Variants in TAS2R1 observed in about 807,000 individuals in gnomAD.
TAS2R1 encodes the protein taste receptor type 2 member 1.
For synonymous variants in TAS2R1, 141 were observed against 134.2 expected (o/e 1.05, Z -0.35); for missense variants, 370 against 353.4 (o/e 1.05, Z -0.38).
At chr5:9,769,655 G>C in the TAS2R1 span, among the ~76,000 whole-genome samples, 6 of 152,130 alleles carry the variant, frequency 3.9e-5, no homozygotes, top group African/African-American at 1.2e-4. Context: ...GCAGTTCTCT[G>C]ATGGTCAGCG....
the TAS2R1 span, among the ~76,000 whole-genome samples, chr5:9,842,422 G>A: frequency 6.8e-6 from 1 of 147,612 alleles, no homozygotes; most frequent in African/African-American, 2.5e-5. Flanking sequence ...CCAGGTTTAA[G>A]CAATTCTCCT....
At chr5:9,842,312 C>CTTTTTTT in the TAS2R1 span, among the ~76,000 whole-genome samples, 170 of 120,356 alleles carry the variant, frequency 1.4e-3, 6 homozygotes, top group Middle Eastern at 4.5e-3. Flanking sequence ...GTCTTTCTTT[C>CTTTTTTT]TCTCTTTTTT....
chr5:9,758,417 G>A, the TAS2R1 span, among the ~76,000 whole-genome samples: 2 of 152,150 alleles, frequency 1.3e-5, no homozygotes, highest in African/African-American at 2.4e-5. Context: ...AGACACATAC[G>A]AACTCCGTGG....
At chr5:9,783,488 T>C in the TAS2R1 span, among the ~76,000 whole-genome samples, 12 of 152,186 alleles carry the variant, frequency 7.9e-5, no homozygotes, top group Non-Finnish European at 1.3e-4. Flanking sequence ...GGAGCTGGGG[T>C]TCTACTTAAA....
At chr5:9,648,694 G>A (rs931462405) in intron 2 of TAS2R1, among the ~76,000 whole-genome samples, 4 of 151,814 alleles carry the variant, frequency 2.6e-5, no homozygotes, top group Admixed American at 6.6e-5. Context: ...TTTCGGGGGT[G>A]GGGGGTAGCT....
chr5:9,781,937 C>T, the TAS2R1 span, among the ~76,000 whole-genome samples: 1 of 152,218 alleles, frequency 6.6e-6, no homozygotes, highest in Non-Finnish European at 1.5e-5. Flanking sequence ...CATTTATTGT[C>T]TGGTCTTTCT....
chr5:9,708,789 C>T (rs1426319267), intron 1 of TAS2R1, among the ~76,000 whole-genome samples: 1 of 152,132 alleles, frequency 6.6e-6, no homozygotes, highest in Non-Finnish European at 1.5e-5. Context: ...CTGACTTAAA[C>T]TCTCGACATT....
At chr5:9,839,049 A>T in the TAS2R1 span, among the ~76,000 whole-genome samples, 3 of 152,238 alleles carry the variant, frequency 2.0e-5, no homozygotes, top group Non-Finnish European at 4.4e-5. Context: ...ACTCAGGATC[A>T]TAACATCATC....
the TAS2R1 span, among the ~76,000 whole-genome samples, chr5:9,848,957 T>A: frequency 1.3e-5 from 2 of 152,188 alleles, no homozygotes; most frequent in Non-Finnish European, 2.9e-5. Flanking sequence ...TTCCTATTTG[T>A]CAGGTATCTA....
chr5:9,653,846 T>C (rs537995238), intron 2 of TAS2R1, among the ~76,000 whole-genome samples: 2 of 152,316 alleles, frequency 1.3e-5, no homozygotes, highest in East Asian at 1.9e-4. Flanking sequence ...CTTTGCTTGA[T>C]AGGAGCCACA....
At chr5:9,815,960 T>C in the TAS2R1 span, among the ~76,000 whole-genome samples, 1 of 152,206 alleles carries the variant, frequency 6.6e-6, no homozygotes, top group African/African-American at 2.4e-5. Context: ...TTTTATCCTT[T>C]TTAAAAATAT....
the TAS2R1 span, among the ~76,000 whole-genome samples, chr5:9,730,822 T>A: frequency 6.6e-6 from 1 of 152,146 alleles, no homozygotes; most frequent in Non-Finnish European, 1.5e-5. Flanking sequence ...CCCCATACTG[T>A]CATCATGGTA....
At chr5:9,797,588 T>C in the TAS2R1 span, among the ~76,000 whole-genome samples, 3 of 152,084 alleles carry the variant, frequency 2.0e-5, no homozygotes, top group Admixed American at 6.5e-5. Context: ...GTGCCTAATA[T>C]AGGTTGTTGA....
At chr5:9,811,989 C>A in the TAS2R1 span, among the ~76,000 whole-genome samples, 1 of 152,084 alleles carries the variant, frequency 6.6e-6, no homozygotes, top group Non-Finnish European at 1.5e-5. Context: ...AACTTCCTCC[C>A]CCCGCATTGC....
chr5:9,878,877 G>A, the TAS2R1 span, among the ~76,000 whole-genome samples: 1 of 152,208 alleles, frequency 6.6e-6, no homozygotes, highest in Non-Finnish European at 1.5e-5. Context: ...AGTGAGTGCT[G>A]GCCACAAGGG....
At chr5:9,684,317 C>T (rs903760287) in intron 1 of TAS2R1, among the ~76,000 whole-genome samples, 4 of 152,138 alleles carry the variant, frequency 2.6e-5, no homozygotes, top group Admixed American at 6.6e-5. Context: ...AAATACCTCA[C>T]GTTCTTGCTC....
chr5:9,722,376 T>C, the TAS2R1 span, among the ~76,000 whole-genome samples: 2 of 152,236 alleles, frequency 1.3e-5, no homozygotes, highest in African/African-American at 4.8e-5. Context: ...TACATACCAA[T>C]AGATAACTGA....
the TAS2R1 span, among the ~76,000 whole-genome samples, chr5:9,902,451 T>C: frequency 6.6e-6 from 1 of 151,954 alleles, no homozygotes; most frequent in Non-Finnish European, 1.5e-5. Flanking sequence ...TGAGATAATT[T>C]CTTCTAAAAT....
At chr5:9,802,823 A>G in the TAS2R1 span, among the ~76,000 whole-genome samples, 1 of 152,176 alleles carries the variant, frequency 6.6e-6, no homozygotes, top group East Asian at 1.9e-4. Context: ...GAATGGTGTG[A>G]ACCTGGGAGG....
Sources: allele counts gnomAD v4.1 joint callset (sites outside exome capture counted in the v4.1 genomes callset), GRCh38; gene constraint gnomAD v4.1.1; transcripts MANE v1.5; gene names NCBI Gene and HGNC (gene_info 2026-07-23, HGNC 2026-07-21).